CELF4: variants seen among roughly 807,000 people sequenced by gnomAD.
The protein encoded by CELF4 is CUGBP Elav-like family member 4.
A neutral mutation model predicts 59.9 loss-of-function variants in CELF4; 18 were observed. That is an observed-to-expected ratio of 0.30 (90% CI 0.21 to 0.45). The LOEUF (loss-of-function observed/expected upper bound fraction) is 0.45, where lower values mean the gene tolerates loss of function less well. Among genes scored for constraint, CELF4 ranks in the 20% least tolerant of loss-of-function variants. The pLI, the probability that CELF4 is intolerant of heterozygous loss-of-function variation, is 1.00. For missense variants in CELF4, 456 were observed against 689.0 expected (o/e 0.66, Z 3.79); for synonymous variants, 261 against 267.1 (o/e 0.98, Z 0.22).
chr18:37,356,814 C>T (rs1277434564), intron 2 of CELF4, among the ~76,000 whole-genome samples: 1 of 152,212 alleles, frequency 6.6e-6, no homozygotes, highest in Admixed American at 6.5e-5. Context: ...CTGACCCTGA[C>T]CCAGATCTCT....
intron 1 of CELF4, among the ~76,000 whole-genome samples, chr18:37,562,445 A>G (rs1465546510): frequency 6.6e-6 from 1 of 151,774 alleles, no homozygotes; most frequent in Non-Finnish European, 1.5e-5. Context: ...GTGTCTCTCA[A>G]TTTGATCCTG....
chr18:37,395,442 C>T (rs949020129), intron 2 of CELF4, among the ~76,000 whole-genome samples: 3 of 152,186 alleles, frequency 2.0e-5, no homozygotes, highest in East Asian at 1.9e-4. Flanking sequence ...GTTCCTGCGC[C>T]GCACACTTCA....
rs926723229 is a variant in CELF4 at position 37,554,426 on chromosome 18, A to G, written c.286+10930T>C. ...GATGTGGCTGGTCAACTGGGGCCTGAGCTGTTTCTTATGAGAAGGGGAGCA... is the reference window on the plus strand; with the variant it reads ...GATGTGGCTGGTCAACTGGGGCCTGGGCTGTTTCTTATGAGAAGGGGAGCA... On this transcript the variant is annotated intron_variant, in intron 1 of 12. Coordinates refer to ENST00000420428, the MANE Select transcript of CELF4 (RefSeq NM_020180.4). Among the ~76,000 whole-genome samples, 15 of 152,182 alleles carry G rather than the reference A, an allele frequency of 9.9e-5. No individual in the cohort carries two copies. The South Asian group carries it at 1.2e-3, about 13-fold the overall frequency.
At chr18:37,537,504 T>C (rs1207386691) in intron 1 of CELF4, among the ~76,000 whole-genome samples, 1 of 152,094 alleles carries the variant, frequency 6.6e-6, no homozygotes, top group Non-Finnish European at 1.5e-5. Flanking sequence ...CCCGGTCGGG[T>C]CTCTGTAAAA....
At chr18:37,344,353 C>T (rs1318029205) in intron 2 of CELF4, among the ~76,000 whole-genome samples, 1 of 152,250 alleles carries the variant, frequency 6.6e-6, no homozygotes, top group South Asian at 2.1e-4. Flanking sequence ...ACAAGTGACT[C>T]CCTGGAAATT....
chr18:37,259,102 G>A (rs1239963525), intron 11 of CELF4, 79 bp downstream of exon 11: 7 of 1,606,348 alleles, frequency 4.4e-6, no homozygotes, highest in Admixed American at 1.7e-5. Context: ...AAGCTAATTG[G>A]TTTGTTATCT....
intron 2 of CELF4, among the ~76,000 whole-genome samples, chr18:37,382,972 T>C (rs1480233261): frequency 2.6e-5 from 4 of 152,102 alleles, no homozygotes; most frequent in Non-Finnish European, 5.9e-5. Flanking sequence ...ATTTGCCAGC[T>C]CTAACAATTT....
intron 12 of CELF4, among the ~76,000 whole-genome samples, chr18:37,252,957 C>T (rs2066477406): frequency 6.6e-6 from 1 of 151,960 alleles, no homozygotes; most frequent in Non-Finnish European, 1.5e-5. Flanking sequence ...CTGCAAGAGC[C>T]ACAGCACTGG....
intron 6 of CELF4, 59 bp downstream of exon 6, chr18:37,274,252 C>A: frequency 1.9e-6 from 3 of 1,593,894 alleles, no homozygotes; most frequent in Non-Finnish European, 1.7e-6. Flanking sequence ...ATGTCCCGCT[C>A]TCTGAGGCTC....
intron 2 of CELF4, among the ~76,000 whole-genome samples, chr18:37,369,151 T>C (rs2098826723): frequency 6.6e-6 from 1 of 152,164 alleles, no homozygotes; most frequent in African/African-American, 2.4e-5. Context: ...GCCAAAACTC[T>C]TTTTCCTTTC....
chr18:37,417,368 C>T (rs1186318812), intron 2 of CELF4, among the ~76,000 whole-genome samples: 1 of 152,218 alleles, frequency 6.6e-6, no homozygotes, highest in East Asian at 1.9e-4. Flanking sequence ...AGAGACAGAG[C>T]ACTGGGCTTC....
chr18:37,406,532 G>A (rs899646529), intron 2 of CELF4, among the ~76,000 whole-genome samples: 2 of 152,198 alleles, frequency 1.3e-5, no homozygotes, highest in African/African-American at 4.8e-5. Context: ...CGGCCAGTGA[G>A]GACCTGCATG....
chr18:37,323,036 G>T (rs1387728257), intron 2 of CELF4, among the ~76,000 whole-genome samples: 1 of 152,210 alleles, frequency 6.6e-6, no homozygotes, highest in East Asian at 1.9e-4. Context: ...TACAGCGGCT[G>T]GACCAGCCAG....
chr18:37,357,179 G>T (rs1239781153), intron 2 of CELF4, among the ~76,000 whole-genome samples: 1 of 152,238 alleles, frequency 6.6e-6, no homozygotes, highest in Non-Finnish European at 1.5e-5. Context: ...GTTTGAGCTT[G>T]GAGCCCGCAG....
intron 3 of CELF4, among the ~76,000 whole-genome samples, chr18:37,320,699 G>A (rs556060222): frequency 8.1e-4 from 123 of 152,318 alleles, no homozygotes; most frequent in Middle Eastern, 6.8e-3. Flanking sequence ...TCAGAGCAAC[G>A]TCTGGGCAGG....
intron 9 of CELF4, 65 bp from the exon 10 acceptor site, chr18:37,264,822 GA>G: frequency 7.2e-7 from 1 of 1,379,660 alleles, no homozygotes; most frequent in Non-Finnish European, 1.0e-6. Context: ...GGAAGAAAGA[GA>G]GAGATTTCAG....
intron 1 of CELF4, among the ~76,000 whole-genome samples, chr18:37,522,650 G>C (rs1203506847): frequency 6.6e-6 from 1 of 152,114 alleles, no homozygotes; most frequent in African/African-American, 2.4e-5. Flanking sequence ...ATTTTCCATG[G>C]GTGCAGGGTT....
At chr18:37,279,099 C>A (rs2093780886) in intron 3 of CELF4, among the ~76,000 whole-genome samples, 1 of 152,216 alleles carries the variant, frequency 6.6e-6, no homozygotes, top group African/African-American at 2.4e-5. Context: ...CACTGCCCAG[C>A]TGCCTAAGCT....
intron 1 of CELF4, among the ~76,000 whole-genome samples, chr18:37,486,932 C>G (rs2099882505): frequency 6.6e-6 from 1 of 152,236 alleles, no homozygotes; most frequent in Non-Finnish European, 1.5e-5. Flanking sequence ...CCAGGCAGCC[C>G]TCCTTGGCTG....
Sources: allele counts gnomAD v4.1 joint callset (sites outside exome capture counted in the v4.1 genomes callset), GRCh38; gene constraint gnomAD v4.1.1; transcripts MANE v1.5; gene names NCBI Gene and HGNC (gene_info 2026-07-23, HGNC 2026-07-21).